CDYL: variants seen among roughly 807,000 people sequenced by gnomAD.
CDYL encodes chromodomain Y-like protein.
In CDYL, 8 loss-of-function variants were observed where a neutral mutation model predicts 47.3. The ratio of observed to expected loss-of-function variants is 0.17; its 90% CI spans 0.10 to 0.31. CDYL has a LOEUF of 0.31. Among genes scored for constraint, CDYL ranks in the 10% least tolerant of loss-of-function variants. The probability of loss-of-function intolerance (pLI) is 1.00; values close to 1 mark genes in which losing one functional copy is unlikely to be tolerated. For synonymous variants in CDYL, 266 were observed against 265.0 expected, an observed-to-expected ratio of 1.00 and a Z score of -0.04; for missense variants, 471 against 701.4, an observed-to-expected ratio of 0.67 and a Z score of 3.71.
chr6:4,776,850 GC>G, intron 1 of CDYL, 43 bp downstream of exon 1: 1 of 681,362 alleles, frequency 1.5e-6, no homozygotes, highest in Non-Finnish European at 1.8e-6. Flanking sequence ...CCCGCCCGCC[GC>G]CCCTCCCGGC....
At chr6:4,844,893 A>G (rs1458095478) in intron 1 of CDYL, among the ~76,000 whole-genome samples, 1 of 152,236 alleles carries the variant, frequency 6.6e-6, no homozygotes, top group African/African-American at 2.4e-5. Flanking sequence ...CCTATATTCA[A>G]CAAATAATTT....
intron 3 of CDYL, among the ~76,000 whole-genome samples, chr6:4,743,180 A>C (rs534841511): frequency 1.3e-5 from 2 of 152,302 alleles, no homozygotes; most frequent in African/African-American, 4.8e-5. Context: ...CGCTTAATCT[A>C]ATCTTTGTGT....
chr6:4,720,090 TG>T (rs1757340473), intron 2 of CDYL, among the ~76,000 whole-genome samples: 1 of 152,232 alleles, frequency 6.6e-6, no homozygotes, highest in African/African-American at 2.4e-5. Flanking sequence ...AGTGCATATG[TG>T]GGTAAGCCAT....
At chr6:4,901,559 G>A (rs1467003908) in intron 2 of CDYL, among the ~76,000 whole-genome samples, 3 of 152,138 alleles carry the variant, frequency 2.0e-5, no homozygotes, top group African/African-American at 7.2e-5. Context: ...AGAAGAGGCC[G>A]CTTGTGAAAG....
chr6:4,765,892 T>C (rs1056571274), intron 3 of CDYL, among the ~76,000 whole-genome samples: 1 of 151,706 alleles, frequency 6.6e-6, no homozygotes, highest in Non-Finnish European at 1.5e-5. Flanking sequence ...AATTAGAAAA[T>C]GAATAACAAA....
chr6:4,889,336 G>C (rs888156918), intron 1 of CDYL, among the ~76,000 whole-genome samples: 1 of 151,688 alleles, frequency 6.6e-6, no homozygotes, highest in Non-Finnish European at 1.5e-5. Context: ...CAATTCTCCT[G>C]CTTCAGCCTC....
chr6:4,777,108 C>A lies in CDYL; in HGVS notation c.24+301C>A, dbSNP rs1377391733. On this transcript the variant is annotated intron_variant, in intron 1 of 6. Transcript: ENST00000397588. ...AGCTCAAAGTGCTCTTGGCGTGGGTCGTGGAAGTGGTGCCTCCGTTGCCGC... is the reference window on the plus strand; with the variant it reads ...AGCTCAAAGTGCTCTTGGCGTGGGTAGTGGAAGTGGTGCCTCCGTTGCCGC... Among the ~76,000 whole-genome samples, 41 of 138,572 alleles carry A rather than the reference C, an allele frequency of 3.0e-4. No homozygotes were observed. In the Admixed American group the frequency reaches 3.0e-3, roughly 10 times the overall value. The allele number at this position is 138,572 out of a possible 152,430, so 90.9% of individuals were successfully genotyped here. A position where few individuals can be genotyped will look rare whatever the true frequency, so the allele number is the denominator to read the frequency against.
intron 2 of CDYL, among the ~76,000 whole-genome samples, chr6:4,905,664 G>T (rs1365191750): frequency 6.6e-6 from 1 of 152,208 alleles, no homozygotes; most frequent in African/African-American, 2.4e-5. Context: ...TTAGTGGCTG[G>T]GAGCCACTCG....
At chr6:4,721,658 G>A (rs1582278303) in intron 2 of CDYL, among the ~76,000 whole-genome samples, 1 of 152,126 alleles carries the variant, frequency 6.6e-6, no homozygotes, top group Admixed American at 6.5e-5. Flanking sequence ...TGGGACTACA[G>A]GCATGAGCCA....
chr6:4,879,731 TG>T (rs1382608976), intron 1 of CDYL, among the ~76,000 whole-genome samples: 3 of 152,016 alleles, frequency 2.0e-5, no homozygotes, highest in African/African-American at 7.3e-5. Flanking sequence ...GCTAATTTTT[TG>T]TATTTTTAGT....
intron 2 of CDYL, among the ~76,000 whole-genome samples, chr6:4,908,875 C>T (rs1757321297): frequency 2.0e-5 from 3 of 152,226 alleles, no homozygotes; most frequent in Admixed American, 2.0e-4. Flanking sequence ...CTCTCCTGTG[C>T]ATGGTCACAT....
At chr6:4,909,508 T>C (rs1757341436) in intron 2 of CDYL, among the ~76,000 whole-genome samples, 1 of 152,244 alleles carries the variant, frequency 6.6e-6, no homozygotes, top group African/African-American at 2.4e-5. Flanking sequence ...GTAAGTCATA[T>C]ATTACTGCCC....
chr6:4,710,367 G>A (rs148000572), intron 1 of CDYL, among the ~76,000 whole-genome samples: 2 of 50,172 alleles, frequency 4.0e-5, no homozygotes, highest in East Asian at 4.4e-3. Flanking sequence ...GAGGGAAGGA[G>A]GGAGGGAGGG....
At chr6:4,884,657 C>G (rs1310861022) in intron 1 of CDYL, among the ~76,000 whole-genome samples, 2 of 152,148 alleles carry the variant, frequency 1.3e-5, no homozygotes, top group African/African-American at 4.8e-5. Flanking sequence ...GTCTCCAGGC[C>G]ATAGGTAAGT....
intron 1 of CDYL, among the ~76,000 whole-genome samples, chr6:4,777,904 A>T: frequency 6.6e-6 from 1 of 152,358 alleles, no homozygotes; most frequent in Middle Eastern, 3.4e-3. Context: ...GGAAGCTGCC[A>T]TCTGTAGAAT....
At chr6:4,926,787 G>C (rs1363998226) in intron 2 of CDYL, among the ~76,000 whole-genome samples, 1 of 151,620 alleles carries the variant, frequency 6.6e-6, no homozygotes, top group African/African-American at 2.4e-5. Context: ...GTTGATATCT[G>C]TCTGTCCACA....
intron 1 of CDYL, among the ~76,000 whole-genome samples, chr6:4,873,451 C>A (rs138003353): frequency 7.7e-4 from 117 of 152,148 alleles, no homozygotes; most frequent in African/African-American, 2.6e-3. Flanking sequence ...CTTCTACTTC[C>A]TTATGTATAT....
In CDYL at chr6:4,824,850, C is replaced by T. The variant is rs565427181; in HGVS notation, c.24+48043C>T. Among the ~76,000 whole-genome samples the T allele has an allele frequency of 1.2e-4, 18 of 151,750 alleles. 1 individual carries two copies. Among genetic ancestry groups the T allele is most frequent in the African/African-American group, 4.1e-4 (17 of 41,336 alleles). On this transcript the variant is annotated intron_variant, in intron 1 of 6. Transcript: ENST00000397588. ...ATATGAATTTGAGTACAAGCTTTTC[C>T]GTTTCTGCAAAAAAGGCTGTTGGAT...
chr6:4,851,202 C>T (rs1247969364), intron 1 of CDYL, among the ~76,000 whole-genome samples: 2 of 152,172 alleles, frequency 1.3e-5, no homozygotes, highest in Non-Finnish European at 2.9e-5. Context: ...GTTCTGTAAC[C>T]TGGGCCAAAG....
Sources: allele counts gnomAD v4.1 joint callset (sites outside exome capture counted in the v4.1 genomes callset), GRCh38; gene constraint gnomAD v4.1.1; transcripts MANE v1.5; gene names NCBI Gene and HGNC (gene_info 2026-07-23, HGNC 2026-07-21).